The following THUMPD2 variants were observed in gnomAD, a reference collection of about 807,000 sequenced individuals.
THUMPD2 encodes U6 snRNA (guanine-N(2))-methyltransferase THUMPD2.
THUMPD2 carries 56 observed loss-of-function variants against 49.4 expected under a neutral mutation model. The ratio of observed to expected loss-of-function variants is 1.13; its 90% confidence interval spans 0.91 to 1.41. The LOEUF (loss-of-function observed/expected upper bound fraction) is 1.41. Among genes scored for constraint, THUMPD2 ranks in the 40% most tolerant of loss-of-function variants. The pLI, the probability that THUMPD2 is intolerant of heterozygous loss-of-function variation, is 0.00. For synonymous variants in THUMPD2, 237 were observed against 205.2 expected (o/e 1.15, Z -1.32); for missense variants, 709 against 594.5 (o/e 1.19, Z -2.00).
intron 6 of THUMPD2, among the ~76,000 whole-genome samples, chr2:39,757,582 G>T (rs1033463612): frequency 1.3e-5 from 2 of 152,120 alleles, no homozygotes; most frequent in Admixed American, 6.5e-5. Context: ...TCTCTCCCAT[G>T]GTCTGTGTTC....
intron 9 of THUMPD2, among the ~76,000 whole-genome samples, chr2:39,739,642 G>A (rs951601457): frequency 1.3e-5 from 2 of 152,214 alleles, no homozygotes; most frequent in African/African-American, 4.8e-5. Context: ...AAGTGCATGG[G>A]AGATGCAAAG....
At chr2:39,775,698 G>A (rs1678989154) in intron 1 of THUMPD2, among the ~76,000 whole-genome samples, 2 of 149,486 alleles carry the variant, frequency 1.3e-5, no homozygotes, top group South Asian at 4.3e-4. Flanking sequence ...AGGAGGCGGA[G>A]GTTGCAGTGA....
chr2:39,763,391 A>G (rs1677084080), intron 5 of THUMPD2, among the ~76,000 whole-genome samples: 1 of 151,966 alleles, frequency 6.6e-6, no homozygotes, highest in African/African-American at 2.4e-5. Context: ...TGTGCCACGT[A>G]CTATCCATAT....
chr2:39,741,105 A>G (rs1289536423), intron 9 of THUMPD2, among the ~76,000 whole-genome samples: 2 of 152,202 alleles, frequency 1.3e-5, no homozygotes, highest in Non-Finnish European at 2.9e-5. Flanking sequence ...AGTGATGATA[A>G]TAATAAGAAT....
chr2:39,737,067 A>C lies in THUMPD2; in HGVS notation c.1188-8T>G, dbSNP rs75145165. Reference sequence around the variant, plus strand: ...CCGCCAACATGAAGCACTCTGTGACAAAAAAAAAATGGTAATTGCTATCTT... The same window carrying C: ...CCGCCAACATGAAGCACTCTGTGACCAAAAAAAAATGGTAATTGCTATCTT... On this transcript the variant is annotated splice_region_variant and splice_polypyrimidine_tract_variant and intron_variant, in intron 9 of 9. Coordinates refer to ENST00000505747, the MANE Select transcript of THUMPD2 (RefSeq NM_025264.5). The C allele has an allele frequency of 6.9e-6, 9 of 1,307,154 alleles. No individual in the cohort carries two copies. Among genetic ancestry groups the C allele is most frequent in the South Asian group, 1.6e-5 (1 of 62,450 alleles). 81.0% of individuals were successfully genotyped at this position (1,307,154 alleles called of 1,614,324 possible). A position where few individuals can be genotyped will look rare whatever the true frequency, so the allele number is the denominator to read the frequency against.
At chr2:39,738,242 T>A (rs1348012022) in intron 9 of THUMPD2, among the ~76,000 whole-genome samples, 3 of 152,060 alleles carry the variant, frequency 2.0e-5, no homozygotes, top group Non-Finnish European at 4.4e-5. Context: ...GAAGTACAGT[T>A]TCAAGAAAGA....
intron 9 of THUMPD2, among the ~76,000 whole-genome samples, chr2:39,741,935 C>T (rs569063558): frequency 1.7e-4 from 26 of 152,030 alleles, no homozygotes; most frequent in African/African-American, 6.0e-4. Flanking sequence ...CAGTGGTATA[C>T]ACTAAAAAAT....
intron 8 of THUMPD2, among the ~76,000 whole-genome samples, chr2:39,744,961 T>G (rs1674373627): frequency 6.6e-6 from 1 of 152,170 alleles, no homozygotes; most frequent in African/African-American, 2.4e-5. Context: ...GTCCTAAGAC[T>G]AGAGAAAAGG....
At position 39,771,643 on chromosome 2, in the gene THUMPD2, A is replaced by G. The variant is rs1255434305; in HGVS notation, c.127-3T>C. Reference sequence around the variant, plus strand: ...ACCTTTCCTGAAATATATTCAACCTAGAAATAGAAAAACAGCTTTTAATGT... The same window carrying G: ...ACCTTTCCTGAAATATATTCAACCTGGAAATAGAAAAACAGCTTTTAATGT... On this transcript the variant is annotated splice_region_variant and splice_polypyrimidine_tract_variant and intron_variant, in intron 1 of 9. Transcript: ENST00000505747. 6.2e-7 allele frequency: 1 copy of G among 1,600,392 alleles called. No individual in the cohort carries two copies. The highest frequency in any genetic ancestry group is 1.8e-5 in the Admixed American group (1 of 56,326).
chr2:39,757,097 G>A (rs936370663), intron 6 of THUMPD2, among the ~76,000 whole-genome samples: 2 of 152,076 alleles, frequency 1.3e-5, no homozygotes, highest in African/African-American at 4.8e-5. Flanking sequence ...ATCATGACGG[G>A]ATAATGGTCT....
chr2:39,749,252 C>G (rs1225546543), intron 8 of THUMPD2, among the ~76,000 whole-genome samples: 1 of 152,118 alleles, frequency 6.6e-6, no homozygotes, highest in Non-Finnish European at 1.5e-5. Flanking sequence ...GAAAAAAACC[C>G]TATGAAATTT....
At chr2:39,765,003 C>T (rs903160700) in intron 5 of THUMPD2, among the ~76,000 whole-genome samples, 2 of 151,960 alleles carry the variant, frequency 1.3e-5, no homozygotes, top group Non-Finnish European at 2.9e-5. Context: ...AATCAAATAC[C>T]TTTTAAAAAA....
In THUMPD2 at chr2:39,761,367, T is replaced by G. The variant is rs1261050321; in HGVS notation, c.855A>C (p.Thr285=). 3 of 1,613,684 alleles carry G rather than the reference T, an allele frequency of 1.9e-6. No homozygotes were observed. Among genetic ancestry groups the G allele is most frequent in the Admixed American group, 3.3e-5 (2 of 59,978 alleles). The change falls in exon 6 of 10, where the codon ACA becomes ACC. Residue 285 remains threonine (T), a synonymous_variant. Coordinates refer to ENST00000505747, the MANE Select transcript of THUMPD2 (RefSeq NM_025264.5). Reference sequence around the variant, plus strand: ...CCAGAGATGCCATTGCCCACGCTATTGTAGATCGCAGTCCAGCTGTCTTGA... The same window carrying G: ...CCAGAGATGCCATTGCCCACGCTATGGTAGATCGCAGTCCAGCTGTCTTGA... ...AYIKTAGLRS[T]IAWAMASLAD...
intron 8 of THUMPD2, among the ~76,000 whole-genome samples, chr2:39,751,478 T>C (rs1399388750): frequency 6.6e-6 from 1 of 152,204 alleles, no homozygotes; most frequent in Non-Finnish European, 1.5e-5. Flanking sequence ...AATTAAATCA[T>C]AAATGTGTTT....
chr2:39,764,702 T>A lies in THUMPD2; in HGVS notation c.803+1355A>T, dbSNP rs915346302. On this transcript the variant is annotated intron_variant, in intron 5 of 9. Coordinates refer to ENST00000505747, the MANE Select transcript of THUMPD2 (RefSeq NM_025264.5). The stretch of plus-strand genomic sequence containing the variant: ...CTGTCACTTCTCTTGTCCAGTGCTA[T>A]CTGTTGTGCAAGTCTTCATGTCTCC... Among the ~76,000 whole-genome samples, 6 of 152,206 alleles carry A rather than the reference T, an allele frequency of 3.9e-5. No individual in the cohort carries two copies. The South Asian group carries it at 1.0e-3, about 26-fold the overall frequency.
chr2:39,753,320 A>T (rs1327491630), intron 8 of THUMPD2, among the ~76,000 whole-genome samples: 1 of 152,158 alleles, frequency 6.6e-6, no homozygotes, highest in East Asian at 1.9e-4. Flanking sequence ...CAGCTGACAC[A>T]GCTGATCTAT....
chr2:39,740,019 A>G (rs1421607431), intron 9 of THUMPD2, among the ~76,000 whole-genome samples: 3 of 152,204 alleles, frequency 2.0e-5, no homozygotes, highest in Non-Finnish European at 4.4e-5. Context: ...TGATATAGCT[A>G]ATATTTATTG....
chr2:39,767,268 T>G (rs1275601543), intron 4 of THUMPD2, among the ~76,000 whole-genome samples: 2 of 152,182 alleles, frequency 1.3e-5, no homozygotes, highest in African/African-American at 4.8e-5. Context: ...TGAGATGGAC[T>G]CAGGGAGATG....
chr2:39,778,708 G>T (rs1679439925), intron 1 of THUMPD2, among the ~76,000 whole-genome samples: 1 of 152,196 alleles, frequency 6.6e-6, no homozygotes, highest in Admixed American at 6.5e-5. Context: ...ATCCTATGTA[G>T]TCAAATACAA....
Sources: allele counts gnomAD v4.1 joint callset (sites outside exome capture counted in the v4.1 genomes callset), GRCh38; gene constraint gnomAD v4.1.1; transcripts MANE v1.5; gene names NCBI Gene and HGNC (gene_info 2026-07-23, HGNC 2026-07-21).